The following MAP3K7 variants were observed in gnomAD, a reference collection of about 807,000 sequenced individuals.
MAP3K7 encodes TGF-beta activated kinase 1.
Under a neutral mutation model 84.8 loss-of-function variants are expected in MAP3K7, and 21 were observed. The observed-to-expected ratio is 0.25, with a 90% CI of 0.18 to 0.36. MAP3K7 has a LOEUF of 0.36. Among genes scored for constraint, MAP3K7 ranks in the 10% least tolerant of loss-of-function variants. The pLI, the probability that MAP3K7 is intolerant of heterozygous loss-of-function variation, is 1.00. For missense variants in MAP3K7, 503 were observed against 747.7 expected, an observed-to-expected ratio of 0.67 and a Z score of 3.82; for synonymous variants, 241 against 247.7, an observed-to-expected ratio of 0.97 and a Z score of 0.25.
In MAP3K7 at chr6:90,562,752, T is replaced by C. The variant is rs560420554; in HGVS notation, c.298-1085A>G. 7.9e-5 allele frequency among the ~76,000 whole-genome samples: 12 copies of C among 152,330 alleles called. No homozygotes were observed. In the East Asian group the frequency reaches 2.1e-3, roughly 27 times the overall value. The stretch of plus-strand genomic sequence containing the variant: ...GATTCTCCCAGCATGGAGTTTGAGA[T>C]CTGAGAACGGACAGACTGCCTTCTC... On this transcript the variant is annotated intron_variant, in intron 3 of 16. Transcript: ENST00000369329.
At chr6:90,582,346 C>T (rs1777301770) in intron 1 of MAP3K7, among the ~76,000 whole-genome samples, 1 of 152,164 alleles carries the variant, frequency 6.6e-6, no homozygotes, top group African/African-American at 2.4e-5. Context: ...TGCTGTGATA[C>T]TTTCATGTAC....
chr6:90,564,452 A>G (rs1480693113), intron 3 of MAP3K7, among the ~76,000 whole-genome samples: 1 of 152,160 alleles, frequency 6.6e-6, no homozygotes, highest in Non-Finnish European at 1.5e-5. Context: ...TTAAACCAAC[A>G]AAGATCAAAA....
Position 90,584,645 on chromosome 6 carries a change from GAAT to G in MAP3K7, c.120+2116_120+2118del, listed in dbSNP as rs144996428. Among the ~76,000 whole-genome samples the G allele has an allele frequency of 2.6e-3, 395 of 152,218 alleles. 3 individuals carry two copies. Among genetic ancestry groups the G allele is most frequent in the African/African-American group, 9.0e-3 (375 of 41,544 alleles). ...CCTCCTTAGTAATTTGTTTTTCCCTGAATCAAGAATGTAAAAAGCTTTAGAAAG... is the reference window on the plus strand; with the variant it reads ...CCTCCTTAGTAATTTGTTTTTCCCTGCAAGAATGTAAAAAGCTTTAGAAAG... On this transcript the variant is annotated intron_variant, in intron 1 of 16. Coordinates refer to ENST00000369329, the MANE Select transcript of MAP3K7 (RefSeq NM_145331.3).
In MAP3K7 at chr6:90,516,459, A is replaced by G; in HGVS notation, c.*42T>C. On this transcript the variant is annotated 3_prime_UTR_variant, in exon 17 of 17. Transcript: ENST00000369329. ...AAGGTTTTCCTTTCCTTAAAAAAAA[A>G]GTCTTTCTTTGCATATTTCAAAATG... 1 of 1,579,790 alleles carries G rather than the reference A, an allele frequency of 6.3e-7. No individual in the cohort carries two copies. Among genetic ancestry groups the G allele is most frequent in the Non-Finnish European group, 8.6e-7 (1 of 1,164,906 alleles).
At chr6:90,569,780 CTTCT>C (rs1300448113) in intron 2 of MAP3K7, among the ~76,000 whole-genome samples, 5 of 152,052 alleles carry the variant, frequency 3.3e-5, no homozygotes, top group Non-Finnish European at 5.9e-5. Context: ...TGTCTTCAAA[CTTCT>C]TTCTATTAAT....
chr6:90,579,067 T>G (rs758100087), intron 1 of MAP3K7, among the ~76,000 whole-genome samples: 2 of 152,210 alleles, frequency 1.3e-5, no homozygotes, highest in Non-Finnish European at 2.9e-5. Context: ...CAGAGTCAGC[T>G]TTCAGGTATG....
chr6:90,540,768 TAAC>T (rs1775830908), intron 12 of MAP3K7, among the ~76,000 whole-genome samples: 1 of 151,972 alleles, frequency 6.6e-6, no homozygotes, highest in Admixed American at 6.6e-5. Flanking sequence ...TTCGCTTTCT[TAAC>T]TACTTATTCT....
chr6:90,586,136 G>C (rs1777441580), intron 1 of MAP3K7, among the ~76,000 whole-genome samples: 1 of 152,050 alleles, frequency 6.6e-6, no homozygotes, highest in African/African-American at 2.4e-5. Context: ...ACTTTGGGAG[G>C]CCGAGGCGGG....
intron 5 of MAP3K7, among the ~76,000 whole-genome samples, chr6:90,559,519 C>T (rs113156572): frequency 2.6e-5 from 4 of 152,104 alleles, no homozygotes; most frequent in African/African-American, 9.6e-5. Flanking sequence ...ACAAACAAAA[C>T]CCCCAAAGTT....
rs549214221 is a variant in MAP3K7 at position 90,567,708 on chromosome 6, A to C, written c.297+850T>G. On this transcript the variant is annotated intron_variant, in intron 3 of 16. Transcript: ENST00000369329. Reference sequence around the variant, plus strand: ...TACCATTTGACTCAGCCATCCCACTACTGGGTATATACCCAAAGGATTATA... The same window carrying C: ...TACCATTTGACTCAGCCATCCCACTCCTGGGTATATACCCAAAGGATTATA... Among the ~76,000 whole-genome samples the C allele has an allele frequency of 6.6e-5, 10 of 152,348 alleles. No individual in the cohort carries two copies. In the South Asian group the frequency reaches 1.7e-3, roughly 25 times the overall value.
intron 1 of MAP3K7, among the ~76,000 whole-genome samples, chr6:90,585,211 T>G (rs757632458): frequency 2.8e-4 from 42 of 152,214 alleles, no homozygotes; most frequent in Non-Finnish European, 5.6e-4. Context: ...AAATGGCATA[T>G]CTGATACACT....
chr6:90,555,669 T>C (rs1776314574), intron 6 of MAP3K7, among the ~76,000 whole-genome samples: 1 of 152,232 alleles, frequency 6.6e-6, no homozygotes, highest in African/African-American at 2.4e-5. Flanking sequence ...ATTTATGTTC[T>C]ATAAAGTTTC....
Position 90,561,629 on chromosome 6 carries a change from T to C in MAP3K7, c.336A>G (p.Leu112=). The C allele has an allele frequency of 1.9e-6, 3 of 1,610,954 alleles. No homozygotes were observed. Among genetic ancestry groups the C allele is most frequent in the Non-Finnish European group, 1.7e-6 (2 of 1,177,348 alleles). The change falls in exon 4 of 17, where the codon TTA becomes TTG. Residue 112 remains leucine (L), a synonymous_variant. Transcript: ENST00000369329. The part of the protein sequence containing the change: ...LVMEYAEGGS[L]YNVLHGAEPL... ...AGGTCTAATGACACTCACCATTATA[T>C]AAAGAGCCCCCTTCAGCATATTCCA...
chr6:90,523,074 G>A (rs915097840), intron 14 of MAP3K7, among the ~76,000 whole-genome samples: 24 of 152,068 alleles, frequency 1.6e-4, no homozygotes, highest in Admixed American at 2.0e-4. Flanking sequence ...CTACCTTTAG[G>A]CAGGTAGACA....
chr6:90,544,836 T>C (rs1775955065), intron 11 of MAP3K7, among the ~76,000 whole-genome samples: 1 of 151,948 alleles, frequency 6.6e-6, no homozygotes, highest in Admixed American at 6.6e-5. Context: ...TACAAGATGT[T>C]TTACACACTG....
chr6:90,577,980 A>C (rs903763249), intron 1 of MAP3K7, among the ~76,000 whole-genome samples: 1 of 152,274 alleles, frequency 6.6e-6, no homozygotes, highest in Non-Finnish European at 1.5e-5. Context: ...TTTCCACAGC[A>C]CCCATATGTC....
chr6:90,543,334 A>C (rs1436882773), intron 12 of MAP3K7, among the ~76,000 whole-genome samples: 1 of 152,094 alleles, frequency 6.6e-6, no homozygotes, highest in Non-Finnish European at 1.5e-5. Context: ...AATATAAGAT[A>C]GTTTTATACA....
chr6:90,585,105 T>C (rs1777400514), intron 1 of MAP3K7, among the ~76,000 whole-genome samples: 1 of 152,188 alleles, frequency 6.6e-6, no homozygotes, highest in Non-Finnish European at 1.5e-5. Flanking sequence ...TAAGATCTGT[T>C]ATGCAGATAA....
intron 1 of MAP3K7, among the ~76,000 whole-genome samples, chr6:90,584,939 G>A (rs998474505): frequency 2.6e-5 from 4 of 151,940 alleles, no homozygotes; most frequent in South Asian, 2.1e-4. Flanking sequence ...TAGCCTCAAT[G>A]TAAAAAAAAA....
Sources: allele counts gnomAD v4.1 joint callset (sites outside exome capture counted in the v4.1 genomes callset), GRCh38; gene constraint gnomAD v4.1.1; transcripts MANE v1.5; gene names NCBI Gene and HGNC (gene_info 2026-07-23, HGNC 2026-07-21).